XYLT1: variants seen among roughly 807,000 people sequenced by gnomAD.
XYLT1 encodes beta-D-xylosyltransferase 1.
In XYLT1, 36 loss-of-function variants were observed where a neutral mutation model predicts 91.3. The observed-to-expected ratio is 0.39, with a 90% CI of 0.30 to 0.52. The LOEUF (loss-of-function observed/expected upper bound fraction) is 0.52, where lower values mean the gene tolerates loss of function less well. Among genes scored for constraint, XYLT1 ranks in the 20% least tolerant of loss-of-function variants. The pLI is 0.68. For missense variants in XYLT1, 1,242 were observed against 1,284.5 expected (o/e 0.97, Z 0.51); for synonymous variants, 588 against 532.0 (o/e 1.11, Z -1.45).
At chr16:17,213,641 CTG>C (rs1202105159) in intron 3 of XYLT1, among the ~76,000 whole-genome samples, 1 of 151,604 alleles carries the variant, frequency 6.6e-6, no homozygotes, top group African/African-American at 2.4e-5. Flanking sequence ...TTTTTTGAGA[CTG>C]AGTCTCGCAC....
chr16:17,256,164 T>C (rs1283128297), intron 3 of XYLT1, among the ~76,000 whole-genome samples: 1 of 152,198 alleles, frequency 6.6e-6, no homozygotes, highest in Non-Finnish European at 1.5e-5. Flanking sequence ...GTTTGCTGTC[T>C]ATCCATCCAG....
At chr16:17,127,557 C>G in intron 10 of XYLT1, 109 bp downstream of exon 10, 1 of 1,332,752 alleles carries the variant, frequency 7.5e-7, no homozygotes. Flanking sequence ...TTAGGGATCT[C>G]CAAGTCCTCT....
At chr16:17,448,777 G>A (rs998641087) in intron 1 of XYLT1, among the ~76,000 whole-genome samples, 3 of 152,014 alleles carry the variant, frequency 2.0e-5, no homozygotes, top group Non-Finnish European at 4.4e-5. Context: ...AAGAGGAGGA[G>A]GAAGCAGCAG....
chr16:17,109,252 CAT>C (rs375282606), intron 11 of XYLT1, among the ~76,000 whole-genome samples: 25 of 152,340 alleles, frequency 1.6e-4, no homozygotes, highest in African/African-American at 3.8e-4. Flanking sequence ...TCATTCAACA[CAT>C]GTTTATAGCG....
At chr16:17,118,625 T>A (rs971360524) in intron 10 of XYLT1, among the ~76,000 whole-genome samples, 5 of 152,158 alleles carry the variant, frequency 3.3e-5, no homozygotes, top group Non-Finnish European at 7.3e-5. Flanking sequence ...TGGGGGTGTG[T>A]GCAGCTGTGA....
intron 8 of XYLT1, 87 bp downstream of exon 8, chr16:17,138,268 T>A: frequency 6.6e-7 from 1 of 1,505,736 alleles, no homozygotes; most frequent in Non-Finnish European, 9.0e-7. Context: ...TGTGATAAGA[T>A]GACCTGCAGG....
At chr16:17,437,149 CT>C (rs2036469079) in intron 1 of XYLT1, among the ~76,000 whole-genome samples, 2 of 152,104 alleles carry the variant, frequency 1.3e-5, no homozygotes. Flanking sequence ...GTCTGAGGCT[CT>C]CAGTCCTTAG....
At chr16:17,311,562 G>A (rs181836464) in intron 2 of XYLT1, among the ~76,000 whole-genome samples, 36 of 152,234 alleles carry the variant, frequency 2.4e-4, no homozygotes, top group African/African-American at 8.7e-4. Context: ...CAGGCACACA[G>A]CTTAGTTTCC....
intron 5 of XYLT1, among the ~76,000 whole-genome samples, chr16:17,174,607 AG>A (rs1158475076): frequency 7.2e-5 from 11 of 152,076 alleles, no homozygotes; most frequent in African/African-American, 2.2e-4. Flanking sequence ...GGGGGTTGCC[AG>A]GGGTTGGGGG....
chr16:17,379,942 G>A (rs1462925486), intron 1 of XYLT1, among the ~76,000 whole-genome samples: 2 of 152,170 alleles, frequency 1.3e-5, no homozygotes, highest in Non-Finnish European at 2.9e-5. Context: ...AGTTCTGGAA[G>A]AAATATGCAC....
chr16:17,117,238 CTAT>C (rs1321138365), intron 11 of XYLT1, among the ~76,000 whole-genome samples: 1 of 152,332 alleles, frequency 6.6e-6, no homozygotes, highest in African/African-American at 2.4e-5. Context: ...ATATCTTCTA[CTAT>C]TATGTGGTTC....
chr16:17,271,666 A>T (rs944367836), intron 2 of XYLT1, among the ~76,000 whole-genome samples: 2 of 152,188 alleles, frequency 1.3e-5, no homozygotes, highest in African/African-American at 4.8e-5. Flanking sequence ...ACTAGACCCC[A>T]GTCATGTGCC....
At chr16:17,125,580 C>T (rs933110101) in intron 10 of XYLT1, among the ~76,000 whole-genome samples, 4 of 152,058 alleles carry the variant, frequency 2.6e-5, no homozygotes, top group African/African-American at 9.7e-5. Flanking sequence ...CTCCCGAGGA[C>T]TGGCTCTTTT....
At chr16:17,395,367 T>G (rs1325204320) in intron 1 of XYLT1, among the ~76,000 whole-genome samples, 1 of 151,998 alleles carries the variant, frequency 6.6e-6, no homozygotes, top group East Asian at 1.9e-4. Flanking sequence ...TATTAAAAAA[T>G]GGAAGGGTGG....
intron 10 of XYLT1, among the ~76,000 whole-genome samples, chr16:17,126,066 C>T (rs2030251314): frequency 6.6e-6 from 1 of 152,196 alleles, no homozygotes; most frequent in Non-Finnish European, 1.5e-5. Context: ...CCTTGCCTTT[C>T]TGTTCATTTG....
At chr16:17,289,660 A>G (rs1319774890) in intron 2 of XYLT1, among the ~76,000 whole-genome samples, 1 of 152,234 alleles carries the variant, frequency 6.6e-6, no homozygotes, top group Non-Finnish European at 1.5e-5. Context: ...GTGACAGTTG[A>G]GAATGCAAAT....
intron 3 of XYLT1, among the ~76,000 whole-genome samples, chr16:17,206,696 A>G (rs2032653372): frequency 6.6e-6 from 1 of 152,180 alleles, no homozygotes; most frequent in South Asian, 2.1e-4. Context: ...CGATGGTGTC[A>G]CTGCACTCTG....
intron 1 of XYLT1, among the ~76,000 whole-genome samples, chr16:17,398,077 A>T (rs1353424523): frequency 6.6e-6 from 1 of 151,942 alleles, no homozygotes; most frequent in Non-Finnish European, 1.5e-5. Flanking sequence ...TTTCACATAT[A>T]CGAGTCCAGA....
At chr16:17,380,931 T>G (rs150424703) in intron 1 of XYLT1, among the ~76,000 whole-genome samples, 17 of 152,294 alleles carry the variant, frequency 1.1e-4, no homozygotes, top group Admixed American at 4.6e-4. Flanking sequence ...TGATTCCACT[T>G]ATAGGAGGTA....
Sources: gnomAD v4.1 joint callset for allele counts (sites outside exome capture counted in the v4.1 genomes callset) on GRCh38, gnomAD v4.1.1 for gene constraint, MANE v1.5 for transcripts, NCBI Gene and HGNC (gene_info 2026-07-23, HGNC 2026-07-21) for gene names.